Variants in PRPF38A observed in about 807,000 individuals in gnomAD.
PRPF38A encodes pre-mRNA-splicing factor 38A.
In PRPF38A, 11 loss-of-function variants were observed where a neutral mutation model predicts 46.8. That is an observed-to-expected ratio of 0.24 (90% CI 0.15 to 0.39). The LOEUF (loss-of-function observed/expected upper bound fraction) is 0.39. PRPF38A is among the 10% of genes least tolerant of loss of function. The pLI is 1.00. For missense variants in PRPF38A, 261 were observed against 407.5 expected (o/e 0.64, Z 3.10); for synonymous variants, 124 against 136.2 (o/e 0.91, Z 0.62).
chr1:52,404,692 G>T lies in PRPF38A; in HGVS notation c.-58G>T. 6.4e-7 allele frequency: 1 copy of T among 1,572,396 alleles called. No individual in the cohort carries two copies. The highest frequency in any genetic ancestry group is 1.2e-5 in the South Asian group (1 of 85,352). Reference sequence around the variant, plus strand: ...CTCCATTCCTCTAGGTGCTTTTTCTGAACCTGGATGTGAGGCATTAAAGGA... The same window carrying T: ...CTCCATTCCTCTAGGTGCTTTTTCTTAACCTGGATGTGAGGCATTAAAGGA... On this transcript the variant is annotated 5_prime_UTR_variant, in exon 1 of 10. Coordinates refer to ENST00000257181, the MANE Select transcript of PRPF38A (RefSeq NM_032864.4).
At chr1:52,413,105 T>C (rs1648192512) in intron 5 of PRPF38A, among the ~76,000 whole-genome samples, 1 of 152,216 alleles carries the variant, frequency 6.6e-6, no homozygotes, top group Non-Finnish European at 1.5e-5. Context: ...ATTACTTAAA[T>C]TTAGTTTTCT....
At position 52,411,210 on chromosome 1, in the gene PRPF38A, A is replaced by G; in HGVS notation, c.498+10A>G. On this transcript the variant is annotated intron_variant, in intron 4 of 9. Coordinates refer to ENST00000257181, the MANE Select transcript of PRPF38A (RefSeq NM_032864.4). ...TCTGCCCCGACTACAGGTAAGAAAT[A>G]AAAGTCTGTTACCAGAGTCACCCTT... 1.3e-6 allele frequency: 2 copies of G among 1,599,880 alleles called. No homozygotes were observed. Among genetic ancestry groups the G allele is most frequent in the Non-Finnish European group, 1.7e-6 (2 of 1,167,856 alleles).
intron 2 of PRPF38A, among the ~76,000 whole-genome samples, chr1:52,407,742 G>A (rs1213719397): frequency 6.6e-6 from 1 of 151,834 alleles, no homozygotes; most frequent in African/African-American, 2.4e-5. Flanking sequence ...CCAACATGGG[G>A]AAACCCCGTC....
Position 52,405,854 on chromosome 1 carries a change from C to A in PRPF38A, c.290+15C>A, listed in dbSNP as rs754620763. The A allele has an allele frequency of 6.2e-7, 1 of 1,610,338 alleles. No individual in the cohort carries two copies. Among genetic ancestry groups the A allele is most frequent in the Admixed American group, 1.7e-5 (1 of 59,982 alleles). On this transcript the variant is annotated intron_variant, in intron 2 of 9. Transcript: ENST00000257181. ...GAAGATTTCAAGTGAGTGCAATGTT[C>A]ACTAGCTAATATAAGAGGTTTAATT...
chr1:52,415,641 C>T (rs768920596), intron 9 of PRPF38A, among the ~76,000 whole-genome samples: 10 of 149,992 alleles, frequency 6.7e-5, no homozygotes, highest in African/African-American at 9.8e-5. Context: ...CTCTGCCTCC[C>T]GGGTTCAAGC....
Position 52,409,044 on chromosome 1 carries a change from A to G in PRPF38A, c.412+354A>G, listed in dbSNP as rs118096277. Reference sequence around the variant, plus strand: ...CCCTCTCAGACAAAATTAGTTTTCCATATTTTACATCTTCACAGTTCTTTC... The same window carrying G: ...CCCTCTCAGACAAAATTAGTTTTCCGTATTTTACATCTTCACAGTTCTTTC... On this transcript the variant is annotated intron_variant, in intron 3 of 9. Coordinates refer to ENST00000257181, the MANE Select transcript of PRPF38A (RefSeq NM_032864.4). 4.1e-5 allele frequency: 8 copies of G among 196,038 alleles called. No homozygotes were observed. In the East Asian group the frequency reaches 1.0e-3, roughly 25 times the overall value. The allele number at this position is 196,038 out of a possible 1,614,324, so 12.1% of individuals were successfully genotyped here.
At position 52,413,848 on chromosome 1, in the gene PRPF38A, C is replaced by T. The variant is rs570536447; in HGVS notation, c.610-31C>T. The T allele has an allele frequency of 2.9e-6, 4 of 1,402,340 alleles. No individual in the cohort carries two copies. In the African/African-American group the frequency reaches 4.2e-5, roughly 15 times the overall value. 86.9% of individuals were successfully genotyped at this position (1,402,340 alleles called of 1,614,324 possible). A position where few individuals can be genotyped will look rare whatever the true frequency, so the allele number is the denominator to read the frequency against. On this transcript the variant is annotated intron_variant, in intron 5 of 9. Transcript: ENST00000257181. ...CTAGATGGCTCTTTATAAGCCTGTG[C>T]CTTTCAATGACCCAATCATCTTGTT...
chr1:52,417,298 A>G lies in PRPF38A; in HGVS notation c.*608A>G, dbSNP rs17131760. ...GCACTTAATACCCTTTATACAGCCC[A>G]TTTTTTCATAGTTTCATTTGTTCTT... On this transcript the variant is annotated 3_prime_UTR_variant, in exon 10 of 10. Transcript: ENST00000257181. 0.087 allele frequency: 13,287 copies of G among 152,438 alleles called. 741 individuals are homozygous for G. The highest frequency in any genetic ancestry group is 0.2 in the East Asian group (1,051 of 5,188). 9.4% of individuals were successfully genotyped at this position (152,438 alleles called of 1,614,324 possible). A position where few individuals can be genotyped will look rare whatever the true frequency, so the allele number is the denominator to read the frequency against.
chr1:52,410,529 T>C (rs946955228), intron 3 of PRPF38A, among the ~76,000 whole-genome samples: 5 of 147,668 alleles, frequency 3.4e-5, no homozygotes, highest in African/African-American at 7.5e-5. Context: ...TGAGATGGAG[T>C]CTCACTCTGT....
intron 4 of PRPF38A, 133 bp downstream of exon 4, chr1:52,411,333 TG>T: frequency 1.6e-6 from 1 of 626,042 alleles, no homozygotes; most frequent in East Asian, 2.8e-5. Context: ...TCTTCCTGTC[TG>T]GGAGTCCCAA....
At chr1:52,408,010 C>T (rs979744225) in intron 2 of PRPF38A, among the ~76,000 whole-genome samples, 5 of 152,210 alleles carry the variant, frequency 3.3e-5, no homozygotes, top group Admixed American at 6.5e-5. Flanking sequence ...GAATTGAGAT[C>T]GTGCCACTGC....
In PRPF38A at chr1:52,415,366, CCACT is replaced by C. The variant is rs775553638; in HGVS notation, c.879_882del (p.His293GlnfsTer43). 5 of 1,613,718 alleles carry C rather than the reference CCACT, an allele frequency of 3.1e-6. No individual in the cohort carries two copies. The highest frequency in any genetic ancestry group is 4.2e-6 in the Non-Finnish European group (5 of 1,179,776). On this transcript the variant is annotated frameshift_variant, in exon 9 of 10. Coordinates refer to ENST00000257181, the MANE Select transcript of PRPF38A (RefSeq NM_032864.4). LOFTEE classifies it high-confidence loss of function. Reference sequence around the variant, plus strand: ...ATCACCGTAGTCACAGACACAGGAGCCACTCAAAGTCTCCCGAAAGGTAATGAAT... The same window carrying C: ...ATCACCGTAGTCACAGACACAGGAGCCAAAGTCTCCCGAAAGGTAATGAAT...
At chr1:52,406,957 A>G (rs1224090195) in intron 2 of PRPF38A, among the ~76,000 whole-genome samples, 1 of 152,214 alleles carries the variant, frequency 6.6e-6, no homozygotes, top group East Asian at 1.9e-4. Context: ...GACTTTCAAA[A>G]GCCTCCTAGT....
intron 2 of PRPF38A, 125 bp from the exon 3 acceptor site, chr1:52,408,444 A>G (rs775033189): frequency 1.5e-6 from 2 of 1,296,990 alleles, no homozygotes; most frequent in African/African-American, 2.9e-5. Flanking sequence ...CTACCTCCAC[A>G]ATTGCAGCTT....
chr1:52,406,562 G>C (rs1236709548), intron 2 of PRPF38A, among the ~76,000 whole-genome samples: 1 of 152,108 alleles, frequency 6.6e-6, no homozygotes, highest in African/African-American at 2.4e-5. Context: ...TCTAAACTTT[G>C]CTTATCTGTA....
intron 8 of PRPF38A, 68 bp from the exon 9 acceptor site, chr1:52,415,270 G>A (rs1416422285): frequency 1.3e-6 from 2 of 1,489,680 alleles, no homozygotes; most frequent in Non-Finnish European, 1.9e-6. Flanking sequence ...GGTATTAGGG[G>A]AGGTGAGAAT....
chr1:52,411,980 A>G (rs1648161753), intron 4 of PRPF38A, among the ~76,000 whole-genome samples: 1 of 152,182 alleles, frequency 6.6e-6, no homozygotes, highest in Non-Finnish European at 1.5e-5. Flanking sequence ...ATGCCACTAC[A>G]TTTAGCCATT....
chr1:52,407,100 C>T (rs972159373), intron 2 of PRPF38A, among the ~76,000 whole-genome samples: 6 of 152,218 alleles, frequency 3.9e-5, no homozygotes, highest in African/African-American at 1.4e-4. Flanking sequence ...TCACTGCAAG[C>T]TCGGCCTCCT....
At chr1:52,412,457 G>A (rs1464360641) in intron 4 of PRPF38A, 57 bp from the exon 5 acceptor site, 2 of 1,270,354 alleles carry the variant, frequency 1.6e-6, no homozygotes, top group African/African-American at 1.5e-5. Flanking sequence ...CAGTGTTGAG[G>A]TTTCAAGAAA....
Sources: allele counts gnomAD v4.1 joint callset (sites outside exome capture counted in the v4.1 genomes callset), GRCh38; gene constraint gnomAD v4.1.1; transcripts MANE v1.5; gene names NCBI Gene and HGNC (gene_info 2026-07-23, HGNC 2026-07-21).